ZNF616: variants seen among roughly 807,000 people sequenced by gnomAD.
The protein encoded by ZNF616 is zinc finger protein 616.
ZNF616 carries 5 observed loss-of-function variants against 7.6 expected under a neutral mutation model. That is an observed-to-expected ratio of 0.66 (90% confidence interval 0.34 to 1.38). ZNF616 has a LOEUF of 1.38. ZNF616 is among the 40% of genes most tolerant of loss of function. The pLI is 0.04. For missense variants in ZNF616, 913 were observed against 948.3 expected (o/e 0.96, Z 0.49); for synonymous variants, 319 against 317.2 (o/e 1.01, Z -0.06).
At chr19:52,128,457 C>T (rs2088928619) in intron 2 of ZNF616, among the ~76,000 whole-genome samples, 1 of 152,096 alleles carries the variant, frequency 6.6e-6, no homozygotes, top group African/African-American at 2.4e-5. Flanking sequence ...CTGTGTAAAA[C>T]TAAAGCTGGG....
In ZNF616 at chr19:52,139,374, A is replaced by C. The variant is rs201303966; in HGVS notation, c.-77+358T>G. 4.0e-4 allele frequency among the ~76,000 whole-genome samples: 59 copies of C among 146,334 alleles called. No homozygotes were observed. In the East Asian group the frequency reaches 9.3e-3, roughly 23 times the overall value. ...AGGGGAAGGACCCGGCGTGAGGAGG[A>C]CACTAGGTGGCGCGCGGAGGACACT... On this transcript the variant is annotated intron_variant, in intron 1 of 3. Transcript: ENST00000600228. The surrounding 1 kb of genome is among the most constrained non-coding windows in gnomAD (Gnocchi z 4.1).
chr19:52,133,338 T>G (rs1159056465), intron 1 of ZNF616, among the ~76,000 whole-genome samples: 1 of 152,190 alleles, frequency 6.6e-6, no homozygotes, highest in African/African-American at 2.4e-5. Flanking sequence ...GTAAACAATG[T>G]TTAAAATAAT....
rs1410317147 is a variant in ZNF616, at chr19:52,116,065, T to C, written c.1099A>G (p.Asn367Asp). 6.2e-7 allele frequency: 1 copy of C among 1,614,180 alleles called. No individual in the cohort carries two copies. The highest frequency in any genetic ancestry group is 1.7e-5 in the Admixed American group (1 of 60,026). Residue 367 changes from asparagine (N) to aspartate (D), a missense_variant, in exon 4 of 4, where the codon AAT (asparagine) becomes GAT (aspartate). Transcript: ENST00000600228. ...VCGKAFRHRSNLVCHRRIHSG... is the reference protein window; with the variant it reads ...VCGKAFRHRSDLVCHRRIHSG... The stretch of plus-strand genomic sequence containing the variant: ...TGGATTCTCCGGTGACATACAAGAT[T>C]TGATCTATGTCTGAATGCCTTGCCA...
chr19:52,127,716 A>T (rs994757479), intron 2 of ZNF616, among the ~76,000 whole-genome samples: 1 of 152,150 alleles, frequency 6.6e-6, no homozygotes, highest in Non-Finnish European at 1.5e-5. Flanking sequence ...ACCCTCAAAC[A>T]CCTGTGGTGA....
In ZNF616 at chr19:52,115,381, G is replaced by GCCCT; in HGVS notation, c.1779_1782dup (p.His595ArgfsTer16). The GCCCT allele has an allele frequency of 6.2e-7, 1 of 1,614,102 alleles. No individual in the cohort carries two copies. The highest frequency in any genetic ancestry group is 8.5e-7 in the Non-Finnish European group (1 of 1,180,018). On this transcript the variant is annotated frameshift_variant, in exon 4 of 4. Transcript: ENST00000600228. LOFTEE classifies it low-confidence loss of function (END_TRUNC). The stretch of plus-strand genomic sequence containing the variant: ...TTCTCTCCAGTATGAACTCTTCGAT[G>GCCCT]CCCTACAAGATGTGAATACTGACTG...
At position 52,113,961 on chromosome 19, in the gene ZNF616, G is replaced by C. The variant is rs996737493; in HGVS notation, c.*857C>G. The C allele has an allele frequency of 3.9e-5, 6 of 152,050 alleles. No homozygotes were observed. Among genetic ancestry groups the C allele is most frequent in the Non-Finnish European group, 7.4e-5 (5 of 68,014 alleles). 9.4% of individuals were successfully genotyped at this position (152,050 alleles called of 1,614,324 possible). A position where few individuals can be genotyped will look rare whatever the true frequency, so the allele number is the denominator to read the frequency against. ...CTAGTATGAATACTCTTTCCATTTT[G>C]ATGTTCGGGTAAAAACCTTAGCATG... On this transcript the variant is annotated 3_prime_UTR_variant, in exon 4 of 4. Coordinates refer to ENST00000600228, the MANE Select transcript of ZNF616 (RefSeq NM_178523.5).
In ZNF616 at chr19:52,116,187, T is replaced by C. The variant is rs753431329; in HGVS notation, c.977A>G (p.Lys326Arg). Residue 326 changes from lysine (K) to arginine (R), a missense_variant, in exon 4 of 4, where the codon AAA (lysine) becomes AGA (arginine). Lys to Arg is a conservative substitution (Grantham distance 26). Transcript: ENST00000600228. Reference sequence around the variant, plus strand: ...AAAGGTTTTGCCACACTCATTACATTTGAAGGGTCTCTCTCCAGTATGAAC... The same window carrying C: ...AAAGGTTTTGCCACACTCATTACATCTGAAGGGTCTCTCTCCAGTATGAAC... ...QTVHTGERPF[K>R]CNECGKTFKR... 19 of 1,614,050 alleles carry C rather than the reference T, an allele frequency of 1.2e-5. No individual in the cohort carries two copies. The highest frequency in any genetic ancestry group is 1.6e-5 in the Non-Finnish European group (19 of 1,180,038).
rs535805786 is a variant in ZNF616 at position 52,115,562 on chromosome 19, T to C, written c.1602A>G (p.Ser534=). The change falls in exon 4 of 4, where the codon TCA becomes TCG. Residue 534 remains serine (S), a synonymous_variant. Transcript: ENST00000600228. ...GAATTCTCCGATGCCTTGCAAAAGC[T>C]GAACGGTCACTGAAGACCTTGCCAC... The part of the protein sequence containing the change: ...KECGKVFSDR[S]AFARHRRIHT... The C allele has an allele frequency of 6.2e-7, 1 of 1,614,024 alleles. No homozygotes were observed. Among genetic ancestry groups the C allele is most frequent in the African/African-American group, 1.3e-5 (1 of 74,940 alleles).
rs142794685 is a variant in ZNF616 at position 52,117,009 on chromosome 19, C to G, written c.155G>C (p.Cys52Ser). The G allele has an allele frequency of 4.1e-3, 6,382 of 1,568,426 alleles. 24 individuals carry two copies. Among genetic ancestry groups the G allele is most frequent in the Non-Finnish European group, 5.0e-3 (5,768 of 1,162,512 alleles). ...NLVFLGISPK[C>S]VIKELPPTEN... ...TGTTGGTGGTAATTCCTTGATCACA[C>G]ATTTAGGAGAGATACCTGCAAAATA... is the stretch of plus-strand genomic sequence containing the variant. Residue 52 changes from cysteine (C) to serine (S), a missense_variant, in exon 4 of 4, where the codon TGT becomes TCT. Coordinates refer to ENST00000600228, the MANE Select transcript of ZNF616 (RefSeq NM_178523.5).
At position 52,114,093 on chromosome 19, in the gene ZNF616, A is replaced by T. The variant is rs146926648; in HGVS notation, c.*725T>A. On this transcript the variant is annotated 3_prime_UTR_variant, in exon 4 of 4. Coordinates refer to ENST00000600228, the MANE Select transcript of ZNF616 (RefSeq NM_178523.5). Reference sequence around the variant, plus strand: ...ACATACATTTATATGATTTCCTTTCAGTATAAACTCTCTTATGACAAGTAG... The same window carrying T: ...ACATACATTTATATGATTTCCTTTCTGTATAAACTCTCTTATGACAAGTAG... The T allele has an allele frequency of 1.4e-3, 218 of 152,298 alleles. No homozygotes were observed. Among genetic ancestry groups the T allele is most frequent in the African/African-American group, 4.8e-3 (199 of 41,552 alleles). The allele number at this position is 152,298 out of a possible 1,614,324, so 9.4% of individuals were successfully genotyped here.
At chr19:52,122,343 G>A (rs865804831) in intron 3 of ZNF616, 1 of 152,036 alleles carries the variant, frequency 6.6e-6, no homozygotes, top group Non-Finnish European at 1.5e-5. Flanking sequence ...AAATTAGCCA[G>A]GTGTGGTGGC....
Position 52,124,065 on chromosome 19 carries a change from C to T in ZNF616, c.13-16G>A. 6 of 1,587,644 alleles carry T rather than the reference C, an allele frequency of 3.8e-6. No individual in the cohort carries two copies. Among genetic ancestry groups the T allele is most frequent in the Non-Finnish European group, 5.1e-6 (6 of 1,172,566 alleles). ...TCAAATGCCCCTGAAATGAAAAACACATTTCAAAAAGAAGCAATATGAGAG... is the reference window on the plus strand; with the variant it reads ...TCAAATGCCCCTGAAATGAAAAACATATTTCAAAAAGAAGCAATATGAGAG... On this transcript the variant is annotated splice_polypyrimidine_tract_variant and intron_variant, in intron 2 of 3. Transcript: ENST00000600228.
chr19:52,133,764 C>T (rs774929446), intron 1 of ZNF616, among the ~76,000 whole-genome samples: 8 of 152,108 alleles, frequency 5.3e-5, no homozygotes, highest in Non-Finnish European at 1.2e-4. Flanking sequence ...CCGCCCGCCT[C>T]GGCCTCTCAA....
rs776946632 is a variant in ZNF616 at position 52,123,936 on chromosome 19, G to T, written c.126C>A (p.Asn42Lys). 3 of 1,613,962 alleles carry T rather than the reference G, an allele frequency of 1.9e-6. No individual in the cohort carries two copies. The highest frequency in any genetic ancestry group is 3.3e-4 in the Middle Eastern group (2 of 6,060). The change falls in exon 3 of 4, where the codon AAC (asparagine) becomes AAA (lysine). Residue 42 changes from asparagine to lysine, a missense_variant. Transcript: ENST00000600228. ...YKDVMLENYRNLVFLGISPKC... is the reference protein window; with the variant it reads ...YKDVMLENYRKLVFLGISPKC... ...AATTATACTCACCTAGGAAGACCAG[G>T]TTCCTATAGTTCTCCAACATCACAT...
chr19:52,119,145 A>G (rs1484140367), intron 3 of ZNF616, among the ~76,000 whole-genome samples: 2 of 152,170 alleles, frequency 1.3e-5, no homozygotes, highest in Non-Finnish European at 2.9e-5. Flanking sequence ...TGATCAGGCC[A>G]AGGCAGGTGG....
Position 52,114,720 on chromosome 19 carries a change from A to T in ZNF616, c.*98T>A. 1 of 1,395,874 alleles carries T rather than the reference A, an allele frequency of 7.2e-7. No homozygotes were observed. The highest frequency in any genetic ancestry group is 9.6e-7 in the Non-Finnish European group (1 of 1,036,378). 86.5% of individuals were successfully genotyped at this position (1,395,874 alleles called of 1,614,324 possible). ...CAATGGGCCCCACCTCCAATACTGG[A>T]GATTACAATTCCACAGGGATTTCAA... On this transcript the variant is annotated 3_prime_UTR_variant, in exon 4 of 4. Coordinates refer to ENST00000600228, the MANE Select transcript of ZNF616 (RefSeq NM_178523.5).
At chr19:52,126,749 A>G (rs1326874290) in intron 2 of ZNF616, among the ~76,000 whole-genome samples, 2 of 152,290 alleles carry the variant, frequency 1.3e-5, no homozygotes, top group Non-Finnish European at 2.9e-5. Context: ...AGCCTGGGCG[A>G]CAGAGCGAGA....
At chr19:52,119,219 A>T (rs1473645287) in intron 3 of ZNF616, among the ~76,000 whole-genome samples, 1 of 152,050 alleles carries the variant, frequency 6.6e-6, no homozygotes, top group Non-Finnish European at 1.5e-5. Flanking sequence ...TCTACTAAAA[A>T]TACAAAAATT....
intron 3 of ZNF616, among the ~76,000 whole-genome samples, chr19:52,120,656 G>A (rs577421795): frequency 1.6e-4 from 24 of 152,264 alleles, no homozygotes; most frequent in African/African-American, 2.9e-4. Flanking sequence ...GAAAGACATC[G>A]GAGGTGGCTA....
Sources: allele counts gnomAD v4.1 joint callset (sites outside exome capture counted in the v4.1 genomes callset), GRCh38; gene constraint gnomAD v4.1.1; non-coding constraint Gnocchi (gnomAD v3.1); transcripts MANE v1.5; gene names NCBI Gene and HGNC (gene_info 2026-07-23, HGNC 2026-07-21).